Variants in GALNT13 observed in about 807,000 individuals in gnomAD.
GALNT13 encodes the protein UDP-GalNAc:polypeptide N-acetylgalactosaminyltransferase 13.
In GALNT13, 28 loss-of-function variants were observed where a neutral mutation model predicts 64.2. The ratio of observed to expected loss-of-function variants is 0.44; its 90% CI spans 0.32 to 0.60. GALNT13 has a LOEUF of 0.60. Ranked by LOEUF, GALNT13 falls within the 20% of genes least tolerant of loss-of-function variation. The probability of loss-of-function intolerance (pLI) is 0.05; values close to 1 mark genes in which losing one functional copy is unlikely to be tolerated. For synonymous variants in GALNT13, 214 were observed against 224.6 expected (o/e 0.95, Z 0.42); for missense variants, 577 against 669.8 (o/e 0.86, Z 1.53).
At chr2:153,715,961 G>A in the GALNT13 span, among the ~76,000 whole-genome samples, 2 of 152,074 alleles carry the variant, frequency 1.3e-5, no homozygotes, top group East Asian at 3.9e-4. Context: ...CTGGGTTAAG[G>A]ATTTTGGGAT....
the GALNT13 span, among the ~76,000 whole-genome samples, chr2:153,496,653 T>A: frequency 6.6e-6 from 1 of 152,180 alleles, no homozygotes; most frequent in Admixed American, 6.5e-5. Context: ...CTACTGCTTT[T>A]CATTAAACCT....
At chr2:153,586,671 A>C in the GALNT13 span, among the ~76,000 whole-genome samples, 1 of 152,196 alleles carries the variant, frequency 6.6e-6, no homozygotes, top group Non-Finnish European at 1.5e-5. Flanking sequence ...ATTTAACTTC[A>C]GACCAAATGG....
At chr2:154,250,942 A>G (rs1011344956) in intron 7 of GALNT13, among the ~76,000 whole-genome samples, 6 of 152,272 alleles carry the variant, frequency 3.9e-5, no homozygotes, top group South Asian at 2.1e-4. Flanking sequence ...GGAATGCTCA[A>G]CTAGTCAATG....
chr2:153,777,674 T>G, the GALNT13 span, among the ~76,000 whole-genome samples: 1 of 152,150 alleles, frequency 6.6e-6, no homozygotes, highest in African/African-American at 2.4e-5. Flanking sequence ...GTGGCTTGCT[T>G]CTTCAGTGCC....
chr2:153,576,711 AC>A, the GALNT13 span, among the ~76,000 whole-genome samples: 11 of 152,310 alleles, frequency 7.2e-5, no homozygotes, highest in Admixed American at 2.0e-4. Context: ...AAAACTAGGT[AC>A]TAAGAGGGCT....
chr2:153,068,948 C>A, the GALNT13 span, among the ~76,000 whole-genome samples: 1 of 152,154 alleles, frequency 6.6e-6, no homozygotes, highest in Admixed American at 6.5e-5. Flanking sequence ...GAGTCAATGC[C>A]ACTTATGGAG....
the GALNT13 span, among the ~76,000 whole-genome samples, chr2:153,308,259 G>C: frequency 6.6e-6 from 1 of 152,170 alleles, no homozygotes; most frequent in Non-Finnish European, 1.5e-5. Flanking sequence ...TTTCTGAAAT[G>C]TATTACACAC....
chr2:153,858,181 C>T, the GALNT13 span, among the ~76,000 whole-genome samples: 1 of 152,102 alleles, frequency 6.6e-6, no homozygotes, highest in Non-Finnish European at 1.5e-5. Flanking sequence ...TGAAGAGCAA[C>T]TATATGGGAT....
At chr2:153,408,709 C>CA in the GALNT13 span, among the ~76,000 whole-genome samples, 1 of 151,026 alleles carries the variant, frequency 6.6e-6, no homozygotes, top group Admixed American at 6.6e-5. Context: ...AAGATGAAGA[C>CA]AAATGCTAGG....
chr2:153,725,226 T>C, the GALNT13 span, among the ~76,000 whole-genome samples: 1 of 146,808 alleles, frequency 6.8e-6, no homozygotes, highest in East Asian at 2.0e-4. Context: ...AAACACCGCA[T>C]ATTCTCCCTC....
chr2:154,421,021 A>G (rs1043827398), intron 11 of GALNT13, among the ~76,000 whole-genome samples: 2 of 152,116 alleles, frequency 1.3e-5, no homozygotes, highest in South Asian at 2.1e-4. Flanking sequence ...CTTTTTAAAT[A>G]TGAAAACTTA....
chr2:153,734,949 A>C, the GALNT13 span, among the ~76,000 whole-genome samples: 1 of 152,106 alleles, frequency 6.6e-6, no homozygotes, highest in Non-Finnish European at 1.5e-5. Context: ...TTTCTCTTGC[A>C]CCTACCTGAG....
the GALNT13 span, among the ~76,000 whole-genome samples, chr2:153,748,632 TC>T: frequency 5.3e-5 from 8 of 152,112 alleles, no homozygotes; most frequent in Admixed American, 3.3e-4. Context: ...TAGATTTTTT[TC>T]TATAGAGTTG....
At chr2:153,275,956 A>G in the GALNT13 span, among the ~76,000 whole-genome samples, 1 of 152,318 alleles carries the variant, frequency 6.6e-6, no homozygotes, top group South Asian at 2.1e-4. Context: ...CCACCAACAC[A>G]GTTTATTATT....
At chr2:153,335,656 T>C in the GALNT13 span, among the ~76,000 whole-genome samples, 2 of 152,214 alleles carry the variant, frequency 1.3e-5, no homozygotes, top group Non-Finnish European at 2.9e-5. Context: ...AAGCAAAGCA[T>C]AAAACTTTGG....
chr2:154,281,207 C>T (rs757357606), intron 8 of GALNT13, among the ~76,000 whole-genome samples: 7 of 152,140 alleles, frequency 4.6e-5, no homozygotes, highest in Admixed American at 2.0e-4. Context: ...GAAAACCTAA[C>T]CATTAATTTC....
intron 2 of GALNT13, among the ~76,000 whole-genome samples, chr2:153,917,683 A>C (rs1036611344): frequency 6.6e-6 from 1 of 152,096 alleles, no homozygotes; most frequent in African/African-American, 2.4e-5. Flanking sequence ...CAAATCTCCC[A>C]CCTGTAAGCC....
chr2:153,490,506 A>G, the GALNT13 span, among the ~76,000 whole-genome samples: 2 of 152,114 alleles, frequency 1.3e-5, no homozygotes, highest in South Asian at 2.1e-4. Context: ...CAGCCTCCTA[A>G]GTAGCTGGGA....
chr2:153,531,979 G>A, the GALNT13 span, among the ~76,000 whole-genome samples: 1 of 152,146 alleles, frequency 6.6e-6, no homozygotes, highest in Admixed American at 6.6e-5. Flanking sequence ...GGCTTTGAGT[G>A]CCTTCAGCTT....
Sources: gnomAD v4.1 joint callset for allele counts (sites outside exome capture counted in the v4.1 genomes callset) on GRCh38, gnomAD v4.1.1 for gene constraint, MANE v1.5 for transcripts, NCBI Gene and HGNC (gene_info 2026-07-23, HGNC 2026-07-21) for gene names.